CSMD3: variants seen among roughly 807,000 people sequenced by gnomAD.
CSMD3 encodes CUB and sushi domain-containing protein 3.
A neutral mutation model predicts 435.2 loss-of-function variants in CSMD3; 177 were observed. The observed-to-expected ratio is 0.41, with a 90% CI of 0.36 to 0.46. The LOEUF is 0.46. Among genes scored for constraint, CSMD3 ranks in the 20% least tolerant of loss-of-function variants. The pLI, the probability that CSMD3 is intolerant of heterozygous loss-of-function variation, is 0.34. For missense variants in CSMD3, 4,265 were observed against 4,504.6 expected, an observed-to-expected ratio of 0.95 and a Z score of 1.52; for synonymous variants, 1,656 against 1,520.5, an observed-to-expected ratio of 1.09 and a Z score of -2.07.
chr8:112,637,067 T>C (rs1259487916), intron 21 of CSMD3, 62 bp from the exon 22 acceptor site: 2 of 1,321,530 alleles, frequency 1.5e-6, no homozygotes, highest in Non-Finnish European at 1.1e-6. Context: ...ATGATAGTGG[T>C]TACTTTTAAA....
intron 13 of CSMD3, among the ~76,000 whole-genome samples, chr8:112,752,899 G>A (rs111231467): frequency 0.011 from 941 of 88,374 alleles, 4 homozygotes; most frequent in African/African-American, 0.039. Flanking sequence ...ATTTGTTACC[G>A]CGTGTGTGTG....
intron 3 of CSMD3, among the ~76,000 whole-genome samples, chr8:113,216,632 T>C (rs72687653): frequency 0.11 from 16,697 of 151,950 alleles, 1,005 homozygotes; most frequent in Middle Eastern, 0.17. Flanking sequence ...GTTTTCAGGA[T>C]TGAATGACAA....
At chr8:113,317,306 T>C (rs756004960) in intron 1 of CSMD3, among the ~76,000 whole-genome samples, 52 of 152,272 alleles carry the variant, frequency 3.4e-4, no homozygotes, top group Middle Eastern at 3.4e-3. Flanking sequence ...GCTTCCAATT[T>C]GAACTTCATA....
At chr8:113,227,149 A>T (rs984745527) in intron 3 of CSMD3, among the ~76,000 whole-genome samples, 8 of 151,634 alleles carry the variant, frequency 5.3e-5, no homozygotes, top group African/African-American at 1.9e-4. Flanking sequence ...ATTTATCAAA[A>T]AATGGAAAAA....
In CSMD3 at chr8:112,780,546, T is replaced by C. The variant is rs532830010; in HGVS notation, c.1972+19616A>G. On this transcript the variant is annotated intron_variant, in intron 13 of 70. Transcript: ENST00000297405. Reference sequence around the variant, plus strand: ...ACCACAGTACCTGCTTTTAATATCATGTCAAGGAAAGAGACACTGAAGGGG... The same window carrying C: ...ACCACAGTACCTGCTTTTAATATCACGTCAAGGAAAGAGACACTGAAGGGG... Among the ~76,000 whole-genome samples the C allele has an allele frequency of 3.3e-5, 5 of 152,104 alleles. No homozygotes were observed. In the South Asian group the frequency reaches 6.2e-4, roughly 19 times the overall value.
chr8:113,325,077 C>T (rs2093974723), intron 1 of CSMD3, among the ~76,000 whole-genome samples: 1 of 152,178 alleles, frequency 6.6e-6, no homozygotes, highest in South Asian at 2.1e-4. Flanking sequence ...AACTAACTTG[C>T]TTTTGATTTT....
chr8:113,372,181 C>T (rs778215418), intron 1 of CSMD3, among the ~76,000 whole-genome samples: 1 of 151,892 alleles, frequency 6.6e-6, no homozygotes, highest in Non-Finnish European at 1.5e-5. Flanking sequence ...AGCTAGTTCC[C>T]CAAGGTATTT....
chr8:113,348,613 G>T (rs2094168077), intron 1 of CSMD3, among the ~76,000 whole-genome samples: 1 of 152,036 alleles, frequency 6.6e-6, no homozygotes, highest in African/African-American at 2.4e-5. Flanking sequence ...ATGTGGGAGG[G>T]ACAGGTGGGG....
At chr8:113,067,780 A>T (rs1441171094) in intron 5 of CSMD3, among the ~76,000 whole-genome samples, 1 of 152,110 alleles carries the variant, frequency 6.6e-6, no homozygotes, top group Non-Finnish European at 1.5e-5. Context: ...CCAAGAAAAG[A>T]GTGCTAGCAG....
At chr8:112,467,982 A>C (rs941003173) in intron 32 of CSMD3, among the ~76,000 whole-genome samples, 1 of 152,230 alleles carries the variant, frequency 6.6e-6, no homozygotes, top group Non-Finnish European at 1.5e-5. Flanking sequence ...ACTTTGTTAT[A>C]GTAGCCTTAG....
chr8:112,860,583 A>T (rs1321705970), intron 10 of CSMD3, among the ~76,000 whole-genome samples: 1 of 151,444 alleles, frequency 6.6e-6, no homozygotes, highest in Non-Finnish European at 1.5e-5. Context: ...CAGTGTTTAA[A>T]TTGCTTTTTC....
intron 3 of CSMD3, among the ~76,000 whole-genome samples, chr8:113,254,031 T>C (rs1024585139): frequency 6.6e-6 from 1 of 152,140 alleles, no homozygotes; most frequent in Non-Finnish European, 1.5e-5. Flanking sequence ...TTCCATGTTA[T>C]TTACCAATCT....
intron 3 of CSMD3, among the ~76,000 whole-genome samples, chr8:113,191,744 T>C (rs1266996178): frequency 2.6e-5 from 4 of 151,748 alleles, no homozygotes; most frequent in African/African-American, 9.7e-5. Flanking sequence ...TTTTTTGGTA[T>C]ACTGATTTAT....
chr8:112,342,947 T>C (rs1314697561), intron 41 of CSMD3, among the ~76,000 whole-genome samples: 4 of 121,826 alleles, frequency 3.3e-5, no homozygotes, highest in African/African-American at 8.3e-5. Context: ...CTTGAACATA[T>C]GTTTCTTTAC....
chr8:112,271,973 GT>G (rs1263728551), intron 59 of CSMD3, among the ~76,000 whole-genome samples: 1 of 152,176 alleles, frequency 6.6e-6, no homozygotes, highest in Non-Finnish European at 1.5e-5. Flanking sequence ...CCTTCTAAAA[GT>G]GTGGGAGGGA....
chr8:112,697,057 C>G (rs2076273830), intron 13 of CSMD3, among the ~76,000 whole-genome samples: 1 of 149,780 alleles, frequency 6.7e-6, no homozygotes. Context: ...GAATGGTGAT[C>G]ATTAAAAAGT....
intron 12 of CSMD3, among the ~76,000 whole-genome samples, chr8:112,817,412 C>A (rs1430541587): frequency 1.3e-5 from 2 of 149,874 alleles, no homozygotes; most frequent in Admixed American, 6.7e-5. Flanking sequence ...TGAATTTATA[C>A]GTAAGTGTAA....
chr8:112,691,839 C>T (rs1159983575), intron 13 of CSMD3, among the ~76,000 whole-genome samples: 1 of 152,094 alleles, frequency 6.6e-6, no homozygotes, highest in Non-Finnish European at 1.5e-5. Flanking sequence ...CTTACTCTGT[C>T]ACCCAGGCTG....
intron 32 of CSMD3, among the ~76,000 whole-genome samples, chr8:112,464,079 A>G (rs1817710421): frequency 6.6e-6 from 1 of 152,044 alleles, no homozygotes; most frequent in Non-Finnish European, 1.5e-5. Flanking sequence ...TACTAAAAAT[A>G]CAAAAAAAAT....
Sources: allele counts gnomAD v4.1 joint callset (sites outside exome capture counted in the v4.1 genomes callset), GRCh38; gene constraint gnomAD v4.1.1; transcripts MANE v1.5; gene names NCBI Gene and HGNC (gene_info 2026-07-23, HGNC 2026-07-21).